CERS4: variants seen among roughly 807,000 people sequenced by gnomAD.
CERS4 encodes LAG1 homolog, ceramide synthase 4.
In CERS4, 65 loss-of-function variants were observed where a neutral mutation model predicts 51.8. The observed-to-expected ratio is 1.26, with a 90% CI of 1.03 to 1.54. The LOEUF (loss-of-function observed/expected upper bound fraction) is 1.54. CERS4 is among the 40% of genes most tolerant of loss of function. The pLI, the probability that CERS4 is intolerant of heterozygous loss-of-function variation, is 0.00. For synonymous variants in CERS4, 228 were observed against 208.4 expected, an observed-to-expected ratio of 1.09 and a Z score of -0.81; for missense variants, 563 against 500.4, an observed-to-expected ratio of 1.13 and a Z score of -1.19.
chr19:8,245,124 A>AAACAAAAAAAAAC, intron 2 of CERS4, among the ~76,000 whole-genome samples: 1 of 146,768 alleles, frequency 6.8e-6, no homozygotes, highest in Admixed American at 6.7e-5. Context: ...AAAAAAAAAA[A>AAACAAAAAAAAAC]AAAAAAAAAA....
At chr19:8,245,111 C>CAAAAAA (rs74179480) in intron 2 of CERS4, among the ~76,000 whole-genome samples, 8 of 21,766 alleles carry the variant, frequency 3.7e-4, no homozygotes, top group African/African-American at 6.2e-4. Context: ...GACTCCATCT[C>CAAAAAA]AAAAAAAAAA....
intron 10 of CERS4, chr19:8,261,480 A>G: frequency 3.4e-6 from 2 of 590,640 alleles, no homozygotes; most frequent in South Asian, 4.2e-5. Context: ...CCAGTCAGGG[A>G]GCTCGTGTGT....
At position 8,249,226 on chromosome 19, in the gene CERS4, T is replaced by G. The variant is rs539745387; in HGVS notation, c.-1-1850T>G. Among the ~76,000 whole-genome samples the G allele has an allele frequency of 3.2e-3, 478 of 151,266 alleles. 4 individuals carry two copies. The highest frequency in any genetic ancestry group is 9.7e-3 in the African/African-American group (400 of 41,176). ...GGACGATGGGTGGATGGATGATGGG[T>G]GGGTGGACAGATGTTTGGATGGGTG... On this transcript the variant is annotated intron_variant, in intron 2 of 11. Coordinates refer to ENST00000251363, the MANE Select transcript of CERS4 (RefSeq NM_024552.3).
intron 7 of CERS4, 39 bp from the exon 8 acceptor site, chr19:8,256,579 T>G: frequency 6.4e-7 from 1 of 1,572,646 alleles, no homozygotes; most frequent in Non-Finnish European, 8.6e-7. Context: ...GATTGGAGCC[T>G]TCGCTCCCCA....
At chr19:8,258,292 C>T (rs1352193199) in intron 10 of CERS4, among the ~76,000 whole-genome samples, 1 of 152,206 alleles carries the variant, frequency 6.6e-6, no homozygotes, top group East Asian at 1.9e-4. Flanking sequence ...GGTAACACAG[C>T]AGAGGCCACA....
intron 2 of CERS4, among the ~76,000 whole-genome samples, chr19:8,248,337 G>T (rs1968880734): frequency 6.6e-6 from 1 of 152,158 alleles, no homozygotes; most frequent in African/African-American, 2.4e-5. Context: ...ACGGATAGAT[G>T]CAACGACAGA....
In CERS4 at chr19:8,255,177, C is replaced by T. The variant is rs1016723196; in HGVS notation, c.292-430C>T. Among the ~76,000 whole-genome samples, 3 of 152,168 alleles carry T rather than the reference C, an allele frequency of 2.0e-5. No homozygotes were observed. In the East Asian group the frequency reaches 5.8e-4, roughly 29 times the overall value. ...TGGTGAAGACCACATACCCTAGAGGCGACAGGGCAGCTTCCGCAGAGCTAG... is the reference window on the plus strand; with the variant it reads ...TGGTGAAGACCACATACCCTAGAGGTGACAGGGCAGCTTCCGCAGAGCTAG... On this transcript the variant is annotated intron_variant, in intron 4 of 11. Transcript: ENST00000251363.
At chr19:8,254,043 C>T (rs908907218) in intron 3 of CERS4, among the ~76,000 whole-genome samples, 1 of 151,990 alleles carries the variant, frequency 6.6e-6, no homozygotes, top group Non-Finnish European at 1.5e-5. Flanking sequence ...AGTCTTAGGC[C>T]GGGCGCGGTG....
intron 3 of CERS4, among the ~76,000 whole-genome samples, chr19:8,251,913 T>A (rs1969102804): frequency 6.6e-6 from 1 of 151,998 alleles, no homozygotes; most frequent in African/African-American, 2.4e-5. Context: ...GCAGGGGTTT[T>A]AGCCCTTAAA....
Position 8,256,790 on chromosome 19 carries a change from C to T in CERS4, c.612+80C>T, listed in dbSNP as rs761572424. On this transcript the variant is annotated intron_variant, in intron 8 of 11. Coordinates refer to ENST00000251363, the MANE Select transcript of CERS4 (RefSeq NM_024552.3). ...CTGGGGGGTAGGGCAGCCTTACAAC[C>T]GCACCTTGAGAGCTCCCTGGTGCCT... 5.8e-4 allele frequency: 906 copies of T among 1,570,144 alleles called. 1 individual carries two copies. The highest frequency in any genetic ancestry group is 6.3e-4 in the Non-Finnish European group (725 of 1,157,068).
At chr19:8,217,673 A>T (rs867596269) in intron 2 of CERS4, among the ~76,000 whole-genome samples, 1 of 151,450 alleles carries the variant, frequency 6.6e-6, no homozygotes, top group African/African-American at 2.4e-5. Flanking sequence ...AGTAGCTGGG[A>T]CTACAGGTGC....
chr19:8,232,737 T>C (rs1286084859), intron 2 of CERS4, among the ~76,000 whole-genome samples: 3 of 151,380 alleles, frequency 2.0e-5, no homozygotes, highest in African/African-American at 7.3e-5. Flanking sequence ...TTTTTTTTTT[T>C]TGAGACACGG....
chr19:8,256,102 G>A (rs1969366058), intron 6 of CERS4, 134 bp from the exon 7 acceptor site: 1 of 1,063,364 alleles, frequency 9.4e-7, no homozygotes, highest in Non-Finnish European at 1.4e-6. Flanking sequence ...AGTCGAGAGT[G>A]AGAAGCAGGA....
chr19:8,243,363 G>A (rs933318644), intron 2 of CERS4, among the ~76,000 whole-genome samples: 5 of 151,958 alleles, frequency 3.3e-5, no homozygotes, highest in African/African-American at 9.7e-5. Context: ...GTCTGCTAGT[G>A]AAGATGATTT....
Position 8,255,837 on chromosome 19 carries a change from C to A in CERS4, c.426C>A (p.Phe142Leu), listed in dbSNP as rs1354522115. 6.2e-7 allele frequency: 1 copy of A among 1,613,980 alleles called. No individual in the cohort carries two copies. Among genetic ancestry groups the A allele is most frequent in the Admixed American group, 1.7e-5 (1 of 60,010 alleles). Residue 142 changes from phenylalanine to leucine, a missense_variant, in exon 6 of 12, where the codon TTC (phenylalanine) becomes TTA (leucine). Transcript: ENST00000251363. ...CCATCCACAGCTGGAGGTTTCTCTT[C>A]TACCTGTCCTCCTTCGTGGGCGGCC... ...KFCEASWRFL[F>L]YLSSFVGGLS...
intron 2 of CERS4, among the ~76,000 whole-genome samples, chr19:8,245,365 C>T (rs112410850): frequency 0.025 from 3,739 of 152,094 alleles, 166 homozygotes; most frequent in African/African-American, 0.086. Context: ...ATCCTCCTGC[C>T]TCTGCCTCAC....
chr19:8,247,858 C>T (rs201333227), intron 2 of CERS4, among the ~76,000 whole-genome samples: 1 of 151,752 alleles, frequency 6.6e-6, no homozygotes, highest in Non-Finnish European at 1.5e-5. Context: ...CTCAGCCTCT[C>T]AAGTAGCTGG....
rs1969446423 is a variant in CERS4 at position 8,257,296 on chromosome 19, C to T, written c.741+219C>T. The T allele has an allele frequency of 7.2e-6, 4 of 556,346 alleles. No individual in the cohort carries two copies. In the African/African-American group the frequency reaches 7.7e-5, roughly 11 times the overall value. The allele number at this position is 556,346 out of a possible 1,614,324, so 34.5% of individuals were successfully genotyped here. On this transcript the variant is annotated intron_variant, in intron 9 of 11. Coordinates refer to ENST00000251363, the MANE Select transcript of CERS4 (RefSeq NM_024552.3). ...GATGAAGCCCCACCCTTCTTGGCTT[C>T]CTTGGGCAGAGGCCCCCGCCTTCTC...
Position 8,257,982 on chromosome 19 carries a change from C to A in CERS4, c.845C>A (p.Thr282Asn). ...FFYTRLVLFP[T>N]QILYTTYYES... ...TACACCCGACTGGTCCTCTTTCCCA[C>A]CCAGTGAGTCAGCCCTCCCATGGGG... Residue 282 changes from threonine (T) to asparagine (N), a missense_variant, in exon 10 of 12, where the codon ACC becomes AAC. Physicochemically the swap from Thr to Asn is moderately conservative, Grantham distance 65 (BLOSUM62 0). Transcript: ENST00000251363. 6.2e-7 allele frequency: 1 copy of A among 1,612,768 alleles called. No homozygotes were observed. The highest frequency in any genetic ancestry group is 8.5e-7 in the Non-Finnish European group (1 of 1,178,986).
Sources: gnomAD v4.1 joint callset for allele counts (sites outside exome capture counted in the v4.1 genomes callset) on GRCh38, gnomAD v4.1.1 for gene constraint, MANE v1.5 for transcripts, NCBI Gene and HGNC (gene_info 2026-07-23, HGNC 2026-07-21) for gene names.